Variants in MYH1 observed in about 807,000 individuals in gnomAD.
MYH1 encodes the protein myosin heavy chain 1, also known as myosin-1.
A neutral mutation model predicts 225.6 loss-of-function variants in MYH1; 214 were observed. The ratio of observed to expected loss-of-function variants is 0.95; its 90% confidence interval spans 0.85 to 1.06. The LOEUF (loss-of-function observed/expected upper bound fraction) is 1.06. Among genes scored for constraint, MYH1 ranks in the 50% least tolerant of loss-of-function variants. The probability of loss-of-function intolerance (pLI) is 0.00; values close to 1 mark genes in which losing one functional copy is unlikely to be tolerated. For missense variants in MYH1, 2,098 were observed against 2,344.2 expected, an observed-to-expected ratio of 0.89 and a Z score of 2.17; for synonymous variants, 774 against 842.3, an observed-to-expected ratio of 0.92 and a Z score of 1.40.
In MYH1 at chr17:10,501,460, G is replaced by C. The variant is rs1184670282; in HGVS notation, c.3388C>G (p.Arg1130Gly). 2 of 1,614,100 alleles carry C rather than the reference G, an allele frequency of 1.2e-6. No individual in the cohort carries two copies. Among genetic ancestry groups the C allele is most frequent in the African/African-American group, 1.3e-5 (1 of 74,932 alleles). The change falls in exon 27 of 40, where the codon CGG (arginine) becomes GGG (glycine). Residue 1130 changes from arginine (R) to glycine (G), a missense_variant. Coordinates refer to ENST00000226207, the MANE Select transcript of MYH1 (RefSeq NM_005963.4). ...EELEEEIEAE[R>G]ASRAKAEKQR... ...TTCTCTGCTTTGGCCCGGGAGGCCC[G>C]CTCTGCCTCGATTTCCTCCTCCAGC...
In MYH1 at chr17:10,516,738, C is replaced by T. The variant is rs2073234088; in HGVS notation, c.-40-56G>A. On this transcript the variant is annotated intron_variant, in intron 2 of 39. Transcript: ENST00000226207. ...TTAAGAAACTGGACCATTAGATTCACATTTAAAACTTTAAAAAAAAATTTA... is the reference window on the plus strand; with the variant it reads ...TTAAGAAACTGGACCATTAGATTCATATTTAAAACTTTAAAAAAAAATTTA... The T allele has an allele frequency of 6.8e-6, 10 of 1,462,110 alleles. No individual in the cohort carries two copies. In the South Asian group the frequency reaches 1.3e-4, roughly 19 times the overall value. 90.6% of individuals were successfully genotyped at this position (1,462,110 alleles called of 1,614,324 possible).
chr17:10,492,893 G>A (rs1323279187), intron 39 of MYH1, among the ~76,000 whole-genome samples: 4 of 150,054 alleles, frequency 2.7e-5, no homozygotes, highest in African/African-American at 2.5e-5. Context: ...TCCTGAGAAT[G>A]GAACCAAACC....
chr17:10,516,747 C>T lies in MYH1; in HGVS notation c.-40-65G>A, dbSNP rs562679436. The T allele has an allele frequency of 1.3e-5, 18 of 1,409,332 alleles. No individual in the cohort carries two copies. The South Asian group carries it at 2.3e-4, about 18-fold the overall frequency. 87.3% of individuals were successfully genotyped at this position (1,409,332 alleles called of 1,614,324 possible). On this transcript the variant is annotated intron_variant, in intron 2 of 39. Transcript: ENST00000226207. The stretch of plus-strand genomic sequence containing the variant: ...TGGACCATTAGATTCACATTTAAAA[C>T]TTTAAAAAAAAATTTACTGACCAAT...
intron 8 of MYH1, 56 bp downstream of exon 8, chr17:10,513,765 A>T (rs2073196133): frequency 2.5e-6 from 4 of 1,613,300 alleles, no homozygotes; most frequent in Non-Finnish European, 3.4e-6. Flanking sequence ...TAATTCAGAC[A>T]TGCTTTCTCT....
intron 9 of MYH1, among the ~76,000 whole-genome samples, chr17:10,513,420 TC>T (rs758542644): frequency 1.3e-5 from 2 of 152,190 alleles, no homozygotes; most frequent in African/African-American, 2.4e-5. Context: ...GCCCAGCAGT[TC>T]CTGGCAGTTC....
intron 24 of MYH1, 74 bp from the exon 25 acceptor site, chr17:10,501,985 T>A: frequency 1.4e-6 from 2 of 1,405,104 alleles, no homozygotes; most frequent in Non-Finnish European, 1.9e-6. Context: ...TTTTTAAACA[T>A]TATATCTATG....
Position 10,503,005 on chromosome 17 carries a change from C to A in MYH1, c.2934+1G>T. The stretch of plus-strand genomic sequence containing the variant: ...ACAGTACTGTAGAATATGATTGATA[C>A]CTTGTTTTCTGTGGCATGTTTCTCC... On this transcript the variant is annotated splice_donor_variant, in intron 23 of 39. Coordinates refer to ENST00000226207, the MANE Select transcript of MYH1 (RefSeq NM_005963.4). LOFTEE classifies it high-confidence loss of function. The A allele has an allele frequency of 6.2e-7, 1 of 1,613,938 alleles. No homozygotes were observed. The highest frequency in any genetic ancestry group is 8.5e-7 in the Non-Finnish European group (1 of 1,180,008).
intron 6 of MYH1, among the ~76,000 whole-genome samples, chr17:10,514,561 C>G (rs1365635064): frequency 6.6e-6 from 1 of 152,168 alleles, no homozygotes; most frequent in African/African-American, 2.4e-5. Context: ...TATTTCCAAA[C>G]TGTTGTACCT....
At chr17:10,511,702 T>C in intron 14 of MYH1, 137 bp downstream of exon 14, 1 of 1,382,736 alleles carries the variant, frequency 7.2e-7, no homozygotes, top group African/African-American at 1.4e-5. Flanking sequence ...TTGGTGCTCT[T>C]TCATGTGTCA....
Position 10,505,505 on chromosome 17 carries a change from C to T in MYH1, c.2181G>A (p.Lys727=). Residue 727 remains lysine (K), a synonymous_variant, in exon 20 of 40, where the codon AAG becomes AAA. Coordinates refer to ENST00000226207, the MANE Select transcript of MYH1 (RefSeq NM_005963.4). ...ILYADFKQRY[K]VLNASAIPEG... ...CAGGGATAGCACTTGCATTTAACAC[C>T]TTGTATCTGTTTAAGCCAGACAAAA... 6.2e-7 allele frequency: 1 copy of T among 1,614,074 alleles called. No individual in the cohort carries two copies. Among genetic ancestry groups the T allele is most frequent in the Admixed American group, 1.7e-5 (1 of 60,016 alleles).
At chr17:10,505,620 A>G in intron 19 of MYH1, 109 bp from the exon 20 acceptor site, 5 of 1,415,994 alleles carry the variant, frequency 3.5e-6, no homozygotes, top group Non-Finnish European at 4.8e-6. Context: ...TAAACAAGAA[A>G]TCATATCTAC....
chr17:10,497,583 C>T, intron 31 of MYH1, 131 bp from the exon 32 acceptor site: 1 of 1,482,756 alleles, frequency 6.7e-7, no homozygotes, highest in Non-Finnish European at 9.0e-7. Flanking sequence ...AGAATAGAAA[C>T]CATAGGAGCA....
rs745353203 is a variant in MYH1, at chr17:10,501,354, A to G, written c.3494T>C (p.Ile1165Thr). The G allele has an allele frequency of 1.7e-5, 28 of 1,613,738 alleles. No homozygotes were observed. The South Asian group carries it at 2.1e-4, about 12-fold the overall frequency. The change falls in exon 27 of 40, where the codon ATT becomes ACT. Residue 1165 changes from isoleucine (I) to threonine (T), a missense_variant. Coordinates refer to ENST00000226207, the MANE Select transcript of MYH1 (RefSeq NM_005963.4). ...AGCCTCCCGCTTCTTGTTCATCTCAATCTGGGCTGAGGTGGCCCCACCGGC... is the reference window on the plus strand; with the variant it reads ...AGCCTCCCGCTTCTTGTTCATCTCAGTCTGGGCTGAGGTGGCCCCACCGGC... ...EEAGGATSAQIEMNKKREAEF... is the reference protein window; with the variant it reads ...EEAGGATSAQTEMNKKREAEF...
At chr17:10,495,853 G>A in intron 35 of MYH1, 97 bp downstream of exon 35, 1 of 1,397,500 alleles carries the variant, frequency 7.2e-7, no homozygotes, top group South Asian at 1.4e-5. Flanking sequence ...TATCCTTCAT[G>A]AAATCTTATA....
chr17:10,511,746 C>T (rs2073171700), intron 14 of MYH1, 93 bp downstream of exon 14: 1 of 1,589,760 alleles, frequency 6.3e-7, no homozygotes, highest in African/African-American at 1.3e-5. Flanking sequence ...TTTCATAGAC[C>T]CTTTCCATAA....
chr17:10,502,867 A>T lies in MYH1; in HGVS notation c.2982T>A (p.Ala994=). The change falls in exon 24 of 40, where the codon GCT becomes GCA. Residue 994 remains alanine, a synonymous_variant. Coordinates refer to ENST00000226207, the MANE Select transcript of MYH1 (RefSeq NM_005963.4). ...GAGCCTTCTTCTCCTTGGTCAGCTT[A>T]GCAATGGTTTCATCCAGACCCGCCA... The part of the protein sequence containing the change: ...EEMAGLDETI[A]KLTKEKKALQ... 6.2e-7 allele frequency: 1 copy of T among 1,613,964 alleles called. No homozygotes were observed. Among genetic ancestry groups the T allele is most frequent in the South Asian group, 1.1e-5 (1 of 91,054 alleles).
intron 28 of MYH1, among the ~76,000 whole-genome samples, chr17:10,499,732 A>G (rs1318357755): frequency 6.6e-6 from 1 of 152,200 alleles, no homozygotes; most frequent in Non-Finnish European, 1.5e-5. Flanking sequence ...CACCATTTTT[A>G]TACTAGTTAT....
intron 30 of MYH1, among the ~76,000 whole-genome samples, chr17:10,498,267 C>T (rs2077474516): frequency 6.6e-6 from 1 of 152,204 alleles, no homozygotes; most frequent in Non-Finnish European, 1.5e-5. Context: ...TAATTTTAAT[C>T]CCCAGAGGGA....
At chr17:10,493,504 G>T (rs978264518) in intron 39 of MYH1, among the ~76,000 whole-genome samples, 2 of 152,178 alleles carry the variant, frequency 1.3e-5, no homozygotes, top group African/African-American at 4.8e-5. Context: ...TGAATCATGG[G>T]ATACGGAAAT....
Sources: gnomAD v4.1 joint callset for allele counts (sites outside exome capture counted in the v4.1 genomes callset) on GRCh38, gnomAD v4.1.1 for gene constraint, MANE v1.5 for transcripts, NCBI Gene and HGNC (gene_info 2026-07-23, HGNC 2026-07-21) for gene names.